Variants in MED13 observed in about 807,000 individuals in gnomAD.
MED13 encodes the protein mediator complex subunit 13, also known as mediator of RNA polymerase II transcription subunit 13.
A neutral mutation model predicts 225.2 loss-of-function variants in MED13; 23 were observed. The observed-to-expected ratio is 0.10, with a 90% CI of 0.07 to 0.14. The LOEUF is 0.14. Ranked by LOEUF, MED13 falls within the 10% of genes least tolerant of loss-of-function variation. The pLI is 1.00. For synonymous variants in MED13, 942 were observed against 889.2 expected (o/e 1.06, Z -1.06); for missense variants, 2,197 against 2,594.5 (o/e 0.85, Z 3.33).
chr17:61,951,503 G>A lies in MED13; in HGVS notation c.6118-505C>T, dbSNP rs1320467239. Among the ~76,000 whole-genome samples, 3 of 151,760 alleles carry A rather than the reference G, an allele frequency of 2.0e-5. No individual in the cohort carries two copies. The East Asian group carries it at 5.8e-4, about 29-fold the overall frequency. ...CTTTGGATTAGTTAATGTATTTCTT[G>A]GTATTTAAAAATAGATAAAATAAAA... On this transcript the variant is annotated intron_variant, in intron 27 of 29. Coordinates refer to ENST00000397786, the MANE Select transcript of MED13 (RefSeq NM_005121.3).
chr17:62,048,068 A>ATATG (rs2080917940), intron 3 of MED13, among the ~76,000 whole-genome samples: 1 of 146,500 alleles, frequency 6.8e-6, no homozygotes, highest in South Asian at 2.1e-4. Flanking sequence ...ATATATGTAT[A>ATATG]TATGTATATA....
At chr17:62,065,034 C>T (rs1246107474) in intron 1 of MED13, 106 bp downstream of exon 1, 3 of 1,037,782 alleles carry the variant, frequency 2.9e-6, no homozygotes, top group South Asian at 2.1e-5. Context: ...GGCTGGGCCT[C>T]GCCCGGGAAC....
chr17:61,948,289 G>A (rs1011765620), intron 28 of MED13, among the ~76,000 whole-genome samples: 2 of 152,046 alleles, frequency 1.3e-5, no homozygotes, highest in African/African-American at 4.8e-5. Flanking sequence ...TCCTAATCTT[G>A]TTACAATGTA....
intron 8 of MED13, among the ~76,000 whole-genome samples, chr17:62,015,925 TATATATATATATATATATATATATATATA>T (rs1603402815): frequency 3.3e-4 from 2 of 5,998 alleles, no homozygotes; most frequent in East Asian, 0.012. Context: ...CATATATATA[TATATATATATATATATATATATATATATA>T]TTTTTTTTTT....
chr17:61,995,498 G>C, intron 9 of MED13, 133 bp from the exon 10 acceptor site: 1 of 593,636 alleles, frequency 1.7e-6, no homozygotes, highest in Non-Finnish European at 2.7e-6. Flanking sequence ...TCAGAAATGA[G>C]GAGGCATGAA....
chr17:62,034,686 T>C (rs977554957), intron 4 of MED13, among the ~76,000 whole-genome samples: 1 of 152,034 alleles, frequency 6.6e-6, no homozygotes, highest in African/African-American at 2.4e-5. Flanking sequence ...AAAAAGCAAA[T>C]ATTAGGTTTA....
intron 8 of MED13, among the ~76,000 whole-genome samples, chr17:62,028,029 G>A (rs1336395941): frequency 1.3e-5 from 2 of 152,084 alleles, no homozygotes; most frequent in Admixed American, 6.6e-5. Flanking sequence ...ACTACCATCC[G>A]ACCCAGCAAC....
chr17:61,990,167 C>T (rs999731297), intron 11 of MED13, among the ~76,000 whole-genome samples: 2 of 152,086 alleles, frequency 1.3e-5, no homozygotes, highest in African/African-American at 2.4e-5. Flanking sequence ...TGAATAATAA[C>T]ATATTGTATA....
rs1405528094 is a variant in MED13 at position 61,942,760 on chromosome 17, C to A, written c.*3708G>T. 2 of 150,516 alleles carry A rather than the reference C, an allele frequency of 1.3e-5. No homozygotes were observed. Among genetic ancestry groups the A allele is most frequent in the Non-Finnish European group, 3.0e-5 (2 of 67,576 alleles). 9.3% of individuals were successfully genotyped at this position (150,516 alleles called of 1,614,324 possible). ...AGCAATAGTGTTTGTTCCTTATTCT[C>A]TTTTTGTCACGTTAAAAAGAAAAGC... On this transcript the variant is annotated 3_prime_UTR_variant, in exon 30 of 30. Transcript: ENST00000397786.
Position 61,955,806 on chromosome 17 carries a change from G to A in MED13, c.5656C>T (p.Gln1886Ter). ...WSCLLSRRNLQSLSKRLKDMC... is the reference protein window; with the variant it reads ...WSCLLSRRNL Reference sequence around the variant, plus strand: ...TCTTTGAGCCTTTTACTTAGAGACTGCAAGTTTCGACGACTCAGCAAACAG... The same window carrying A: ...TCTTTGAGCCTTTTACTTAGAGACTACAAGTTTCGACGACTCAGCAAACAG... The change falls in exon 25 of 30, where the codon CAG (glutamine) becomes TAG (stop). Residue 1886 changes from glutamine to a stop codon, truncating the protein, a stop_gained. Transcript: ENST00000397786. LOFTEE classifies it high-confidence loss of function. The A allele has an allele frequency of 6.5e-7, 1 of 1,544,522 alleles. No homozygotes were observed. The highest frequency in any genetic ancestry group is 1.9e-5 in the Admixed American group (1 of 53,916).
intron 4 of MED13, among the ~76,000 whole-genome samples, chr17:62,035,045 C>T (rs995134152): frequency 6.6e-6 from 1 of 152,032 alleles, no homozygotes; most frequent in Non-Finnish European, 1.5e-5. Flanking sequence ...TGCTTGAATC[C>T]GGGAGGTGGA....
At chr17:62,015,271 G>T (rs562414499) in intron 8 of MED13, among the ~76,000 whole-genome samples, 1 of 152,306 alleles carries the variant, frequency 6.6e-6, no homozygotes, top group Non-Finnish European at 1.5e-5. Context: ...GCATACTGAA[G>T]TACTGCAGAA....
At chr17:61,967,127 T>C (rs561720792) in intron 18 of MED13, among the ~76,000 whole-genome samples, 1 of 152,294 alleles carries the variant, frequency 6.6e-6, no homozygotes, top group South Asian at 2.1e-4. Flanking sequence ...GTCACTGATT[T>C]TTGTTATTAG....
intron 10 of MED13, 112 bp from the exon 11 acceptor site, chr17:61,992,733 T>TA (rs1172778868): frequency 1.6e-6 from 1 of 624,896 alleles, no homozygotes; most frequent in East Asian, 2.8e-5. Context: ...TAACATACAT[T>TA]ATCACTGATT....
At chr17:61,986,156 G>GGATATA in intron 12 of MED13, among the ~76,000 whole-genome samples, 1 of 152,266 alleles carries the variant, frequency 6.6e-6, no homozygotes, top group Admixed American at 6.5e-5. Flanking sequence ...AAGCATTCAA[G>GGATATA]GATATAGTTG....
chr17:61,982,069 T>C, intron 16 of MED13, 129 bp downstream of exon 16: 1 of 795,168 alleles, frequency 1.3e-6, no homozygotes, highest in Non-Finnish European at 1.9e-6. Context: ...AAAAACATCA[T>C]CCATAAAGAG....
chr17:62,021,674 ATT>A (rs2080649127), intron 8 of MED13, among the ~76,000 whole-genome samples: 1 of 152,270 alleles, frequency 6.6e-6, no homozygotes, highest in South Asian at 2.1e-4. Flanking sequence ...GCAAAAAATA[ATT>A]TTGAGGATAG....
rs758849567 is a variant in MED13, at chr17:61,956,494, TA to T, written c.5481-14del. On this transcript the variant is annotated splice_polypyrimidine_tract_variant and intron_variant, in intron 23 of 29. Coordinates refer to ENST00000397786, the MANE Select transcript of MED13 (RefSeq NM_005121.3). ...TTTCCGACGAGCCCTATTGTGTGAA[TA>T]AAGAGAGTGTCATAAATATTTCTAA... The T allele has an allele frequency of 1.0e-5, 16 of 1,592,534 alleles. No individual in the cohort carries two copies. The highest frequency in any genetic ancestry group is 1.4e-5 in the Non-Finnish European group (16 of 1,173,964).
chr17:61,981,338 A>C (rs1042186432), intron 16 of MED13, among the ~76,000 whole-genome samples: 14 of 152,104 alleles, frequency 9.2e-5, no homozygotes, highest in Admixed American at 1.3e-4. Context: ...TCTCTTAAAA[A>C]ACAATCAGAA....
Sources: gnomAD v4.1 joint callset for allele counts (sites outside exome capture counted in the v4.1 genomes callset) on GRCh38, gnomAD v4.1.1 for gene constraint, MANE v1.5 for transcripts, NCBI Gene and HGNC (gene_info 2026-07-23, HGNC 2026-07-21) for gene names.